Variants in GAS7 observed in about 807,000 individuals in gnomAD.
GAS7 encodes growth arrest-specific protein 7.
In GAS7, 28 loss-of-function variants were observed where a neutral mutation model predicts 71.1. That is an observed-to-expected ratio of 0.39 (90% CI 0.29 to 0.54). The LOEUF (loss-of-function observed/expected upper bound fraction) is 0.54. Ranked by LOEUF, GAS7 falls within the 20% of genes least tolerant of loss-of-function variation. The pLI, the probability that GAS7 is intolerant of heterozygous loss-of-function variation, is 0.62. For missense variants in GAS7, 436 were observed against 627.8 expected, an observed-to-expected ratio of 0.69 and a Z score of 3.27; for synonymous variants, 258 against 245.8, an observed-to-expected ratio of 1.05 and a Z score of -0.46.
At chr17:10,162,637 C>A (rs1341190588) in intron 1 of GAS7, among the ~76,000 whole-genome samples, 2 of 152,180 alleles carry the variant, frequency 1.3e-5, no homozygotes, top group African/African-American at 4.8e-5. Flanking sequence ...AAAACAGCCA[C>A]ATCTGATCAG....
intron 2 of GAS7, among the ~76,000 whole-genome samples, chr17:10,001,751 C>T (rs2071275978): frequency 6.6e-6 from 1 of 152,186 alleles, no homozygotes; most frequent in African/African-American, 2.4e-5. Context: ...AGAGAAGGAT[C>T]AAAAGTATTT....
intron 1 of GAS7, among the ~76,000 whole-genome samples, chr17:10,189,862 C>T (rs2142152879): frequency 6.6e-6 from 1 of 151,808 alleles, no homozygotes; most frequent in South Asian, 2.1e-4. Flanking sequence ...TCATTTGAAC[C>T]CAGGAGGTAG....
intron 2 of GAS7, among the ~76,000 whole-genome samples, chr17:9,989,126 C>T (rs1422174806): frequency 5.3e-5 from 8 of 151,932 alleles, no homozygotes; most frequent in East Asian, 3.9e-4. Flanking sequence ...TGGGACTACG[C>T]GCCCGGCCCA....
At chr17:10,007,323 C>T (rs535824534) in intron 2 of GAS7, among the ~76,000 whole-genome samples, 15 of 152,156 alleles carry the variant, frequency 9.9e-5, no homozygotes, top group African/African-American at 3.6e-4. Context: ...CTAACCAAGA[C>T]GTCTAAAGAA....
At chr17:10,081,146 C>G (rs1173400329) in intron 1 of GAS7, among the ~76,000 whole-genome samples, 1 of 152,164 alleles carries the variant, frequency 6.6e-6, no homozygotes, top group African/African-American at 2.4e-5. Flanking sequence ...CATATATGAC[C>G]TCACCATAAG....
Position 9,969,869 on chromosome 17 carries a change from G to C in GAS7, c.386-107C>G. 1 of 728,550 alleles carries C rather than the reference G, an allele frequency of 1.4e-6. No homozygotes were observed. Among genetic ancestry groups the C allele is most frequent in the Non-Finnish European group, 2.5e-6 (1 of 404,330 alleles). 45.1% of individuals were successfully genotyped at this position (728,550 alleles called of 1,614,324 possible). On this transcript the variant is annotated intron_variant, in intron 3 of 13. Transcript: ENST00000432992. The surrounding 1 kb of genome is among the most constrained non-coding windows in gnomAD (Gnocchi z 5.5). ...CCCACCTCCTTCCTTGGCTCTGAGA[G>C]GTCTTGCGTGGCGAAGACCATCCCT... is the stretch of plus-strand genomic sequence containing the variant.
chr17:10,092,196 A>C (rs2073590751), intron 1 of GAS7, among the ~76,000 whole-genome samples: 1 of 152,114 alleles, frequency 6.6e-6, no homozygotes, highest in African/African-American at 2.4e-5. Flanking sequence ...GACACCTACA[A>C]GGCTGCTCCC....
chr17:9,934,310 G>C, intron 8 of GAS7, 66 bp from the exon 9 acceptor site: 1 of 1,106,766 alleles, frequency 9.0e-7, no homozygotes, highest in Non-Finnish European at 1.4e-6. Flanking sequence ...GGATGGTGGG[G>C]CTCCACCCCA....
At chr17:10,152,763 A>C (rs2074176116) in intron 1 of GAS7, among the ~76,000 whole-genome samples, 1 of 152,188 alleles carries the variant, frequency 6.6e-6, no homozygotes, top group South Asian at 2.1e-4. Flanking sequence ...CCTCCTCCCA[A>C]GGAAGACAAG....
chr17:10,065,428 T>G (rs1451602409), intron 1 of GAS7, among the ~76,000 whole-genome samples: 1 of 152,164 alleles, frequency 6.6e-6, no homozygotes, highest in Non-Finnish European at 1.5e-5. Context: ...AGGGCCATAC[T>G]CCTCCCAGAG....
chr17:9,948,220 G>C (rs2068867808), intron 5 of GAS7, among the ~76,000 whole-genome samples: 1 of 152,188 alleles, frequency 6.6e-6, no homozygotes, highest in South Asian at 2.1e-4. Context: ...GTTGTTCAAG[G>C]GTCACCTGTA....
rs2067716610 is a variant in GAS7, at chr17:9,919,517, C to G, written c.1218+109G>C. The G allele has an allele frequency of 1.2e-6, 1 of 815,038 alleles. No homozygotes were observed. Among genetic ancestry groups the G allele is most frequent in the Non-Finnish European group, 2.2e-6 (1 of 456,836 alleles). The allele number at this position is 815,038 out of a possible 1,614,324, so 50.5% of individuals were successfully genotyped here. ...CCAACACTGAAGTAGATTTGATGACCATCTCCAGGGTCACTCCACCCCATC... is the reference window on the plus strand; with the variant it reads ...CCAACACTGAAGTAGATTTGATGACGATCTCCAGGGTCACTCCACCCCATC... On this transcript the variant is annotated intron_variant, in intron 12 of 13. Transcript: ENST00000432992. The surrounding 1 kb of genome is among the most constrained non-coding windows in gnomAD (Gnocchi z 5.0).
chr17:9,920,783 A>G (rs2067776783), intron 11 of GAS7, among the ~76,000 whole-genome samples: 2 of 152,232 alleles, frequency 1.3e-5, no homozygotes, highest in Admixed American at 1.3e-4. Flanking sequence ...CACGATGGAA[A>G]AAGCTCATGA....
intron 9 of GAS7, among the ~76,000 whole-genome samples, chr17:9,933,600 T>G: frequency 6.6e-6 from 1 of 152,150 alleles, no homozygotes. Flanking sequence ...CCCAGCATTT[T>G]GGGAGGTAGA....
intron 1 of GAS7, among the ~76,000 whole-genome samples, chr17:10,141,988 G>GC (rs1184150752): frequency 1.3e-5 from 2 of 150,446 alleles, no homozygotes; most frequent in African/African-American, 2.4e-5. Flanking sequence ...CAGCACTTTG[G>GC]GGGGCCGAGG....
chr17:10,034,188 T>A lies in GAS7; in HGVS notation c.184-14291A>T, dbSNP rs564016555. Reference sequence around the variant, plus strand: ...AAGCTGCAGCAGTCTCGCTGGCAGATCTTGAGCAACCTCTTCCATCTCTGC... The same window carrying A: ...AAGCTGCAGCAGTCTCGCTGGCAGAACTTGAGCAACCTCTTCCATCTCTGC... On this transcript the variant is annotated intron_variant, in intron 1 of 13. Coordinates refer to ENST00000432992, the MANE Select transcript of GAS7 (RefSeq NM_201433.2). This position sits in a 1 kb window ranked among gnomAD's most constrained non-coding sequence, Gnocchi z 4.4. 1.0e-6 allele frequency: 1 copy of A among 985,172 alleles called. No homozygotes were observed. Among genetic ancestry groups the A allele is most frequent in the East Asian group, 1.1e-4 (1 of 8,826 alleles). The allele number at this position is 985,172 out of a possible 1,614,324, so 61.0% of individuals were successfully genotyped here. A position where few individuals can be genotyped will look rare whatever the true frequency, so the allele number is the denominator to read the frequency against.
chr17:9,938,721 A>G (rs1011521823), intron 8 of GAS7, among the ~76,000 whole-genome samples: 7 of 152,160 alleles, frequency 4.6e-5, no homozygotes, highest in Non-Finnish European at 8.8e-5. Flanking sequence ...CAGCCCAAGC[A>G]GATGAATACA....
In GAS7 at chr17:9,969,539, C is replaced by T. The variant is rs1402176387; in HGVS notation, c.471+138G>A. 3 of 623,400 alleles carry T rather than the reference C, an allele frequency of 4.8e-6. No homozygotes were observed. Among genetic ancestry groups the T allele is most frequent in the Non-Finnish European group, 8.8e-6 (3 of 340,270 alleles). The allele number at this position is 623,400 out of a possible 1,614,324, so 38.6% of individuals were successfully genotyped here. A position where few individuals can be genotyped will look rare whatever the true frequency, so the allele number is the denominator to read the frequency against. ...CCCCATCAGGGAACACTGAAACAAC[C>T]CAGACACAGCAACCACTTTCTACCT... On this transcript the variant is annotated intron_variant, in intron 4 of 13. Transcript: ENST00000432992. This position sits in a 1 kb window ranked among gnomAD's most constrained non-coding sequence, Gnocchi z 5.5.
At chr17:10,052,275 A>G (rs1300607532) in intron 1 of GAS7, among the ~76,000 whole-genome samples, 1 of 152,220 alleles carries the variant, frequency 6.6e-6, no homozygotes, top group Non-Finnish European at 1.5e-5. Context: ...TCCAAAGGCA[A>G]ATACTCCAGG....
Sources: allele counts gnomAD v4.1 joint callset (sites outside exome capture counted in the v4.1 genomes callset), GRCh38; gene constraint gnomAD v4.1.1; non-coding constraint Gnocchi (gnomAD v3.1); transcripts MANE v1.5; gene names NCBI Gene and HGNC (gene_info 2026-07-23, HGNC 2026-07-21).